UTRN: variants seen among roughly 807,000 people sequenced by gnomAD.
UTRN encodes utrophin.
Under a neutral mutation model 463.9 loss-of-function variants are expected in UTRN, and 283 were observed. That is an observed-to-expected ratio of 0.61 (90% CI 0.55 to 0.67). The LOEUF is 0.67. Ranked by LOEUF, UTRN falls within the 30% of genes least tolerant of loss-of-function variation. The probability of loss-of-function intolerance (pLI) is 0.00; values close to 1 mark genes in which losing one functional copy is unlikely to be tolerated. For missense variants in UTRN, 3,922 were observed against 4,084.3 expected, an observed-to-expected ratio of 0.96 and a Z score of 1.08; for synonymous variants, 1,442 against 1,431.5, an observed-to-expected ratio of 1.01 and a Z score of -0.17.
intron 2 of UTRN, among the ~76,000 whole-genome samples, chr6:144,371,146 T>A (rs989539274): frequency 6.6e-6 from 1 of 152,250 alleles, no homozygotes; most frequent in African/African-American, 2.4e-5. Flanking sequence ...CTCTCCCCAC[T>A]GACTTTTTTT....
At chr6:144,672,343 T>C (rs1781138696) in intron 51 of UTRN, among the ~76,000 whole-genome samples, 1 of 152,030 alleles carries the variant, frequency 6.6e-6, no homozygotes. Context: ...TGCTTGTTAC[T>C]AGTCTATTCC....
chr6:144,848,172 G>A (rs1233889123), intron 74 of UTRN, among the ~76,000 whole-genome samples: 1 of 152,152 alleles, frequency 6.6e-6, no homozygotes, highest in Non-Finnish European at 1.5e-5. Context: ...AGAAGTGCGA[G>A]GAGAGACTGG....
chr6:144,662,689 T>TA (rs1303864697), intron 51 of UTRN, among the ~76,000 whole-genome samples: 1 of 152,206 alleles, frequency 6.6e-6, no homozygotes, highest in Non-Finnish European at 1.5e-5. Flanking sequence ...CAAATCCTGA[T>TA]ACGCTTAGTA....
At chr6:144,655,612 C>T (rs1463019409) in intron 51 of UTRN, among the ~76,000 whole-genome samples, 2 of 152,162 alleles carry the variant, frequency 1.3e-5, no homozygotes, top group Non-Finnish European at 2.9e-5. Flanking sequence ...ACTTTAGAGG[C>T]TCCTAAGAAG....
chr6:144,341,743 C>T (rs772992852), intron 2 of UTRN, among the ~76,000 whole-genome samples: 50 of 152,132 alleles, frequency 3.3e-4, no homozygotes, highest in Non-Finnish European at 1.0e-4. Context: ...ATTGAAATGT[C>T]ATATTTACAT....
rs1455522652 is a variant in UTRN, at chr6:144,324,036, A to G, written c.79+32129A>G. Among the ~76,000 whole-genome samples, 3 of 152,190 alleles carry G rather than the reference A, an allele frequency of 2.0e-5. No homozygotes were observed. The East Asian group carries it at 5.8e-4, about 29-fold the overall frequency. On this transcript the variant is annotated intron_variant, in intron 2 of 74. Coordinates refer to ENST00000367545, the MANE Select transcript of UTRN (RefSeq NM_007124.3). ...CCTTTCAGCCAGGATGAGAATTGCT[A>G]TCTGTTTTCAGAACTTGGAGGCAGA...
intron 54 of UTRN, among the ~76,000 whole-genome samples, chr6:144,732,721 AT>A (rs1229614093): frequency 8.3e-5 from 12 of 144,006 alleles, no homozygotes; most frequent in Non-Finnish European, 1.8e-4. Flanking sequence ...ATGTTATGTT[AT>A]GTTATTTTGA....
At chr6:144,527,176 A>G (rs1796643776) in intron 41 of UTRN, among the ~76,000 whole-genome samples, 1 of 152,202 alleles carries the variant, frequency 6.6e-6, no homozygotes, top group Non-Finnish European at 1.5e-5. Flanking sequence ...CCTTTTAGCA[A>G]TTCTTGTAGT....
At chr6:144,685,859 T>G (rs527250222) in intron 52 of UTRN, among the ~76,000 whole-genome samples, 2 of 152,286 alleles carry the variant, frequency 1.3e-5, no homozygotes, top group South Asian at 4.1e-4. Context: ...CTCTGTTGAT[T>G]ATTTCTTTTG....
intron 53 of UTRN, 115 bp from the exon 54 acceptor site, chr6:144,730,242 C>G: frequency 8.5e-7 from 1 of 1,172,144 alleles, no homozygotes; most frequent in Non-Finnish European, 1.1e-6. Flanking sequence ...AGCTGAAATG[C>G]TTGCTATTAG....
chr6:144,597,780 T>G (rs1484089338), intron 51 of UTRN, among the ~76,000 whole-genome samples: 1 of 152,236 alleles, frequency 6.6e-6, no homozygotes, highest in Non-Finnish European at 1.5e-5. Context: ...ACTATACCTT[T>G]TTGTTTTGCT....
At chr6:144,487,902 A>G (rs959484046) in intron 29 of UTRN, among the ~76,000 whole-genome samples, 1 of 152,218 alleles carries the variant, frequency 6.6e-6, no homozygotes. Context: ...TGGATGATTA[A>G]AAAAATTATT....
intron 54 of UTRN, among the ~76,000 whole-genome samples, chr6:144,732,240 A>G (rs1279035300): frequency 7.4e-4 from 3 of 4,028 alleles, no homozygotes; most frequent in African/African-American, 1.3e-3. Flanking sequence ...ATATATATAC[A>G]TATATATATA....
chr6:144,775,419 C>T (rs950187466), intron 60 of UTRN, among the ~76,000 whole-genome samples: 6 of 152,136 alleles, frequency 3.9e-5, no homozygotes, highest in Admixed American at 1.3e-4. Flanking sequence ...AATGAGATGA[C>T]CTTGACTTTT....
chr6:144,491,088 C>G lies in UTRN; in HGVS notation c.4423C>G (p.Leu1475Val). Residue 1475 changes from leucine (L) to valine (V), a missense_variant, in exon 32 of 75, where the codon CTG (leucine) becomes GTG (valine). Physicochemically the swap from Leu to Val is conservative, Grantham distance 32. Transcript: ENST00000367545. ...DVDPDVIQTH[L>V]DKCMKLYKTL... is the part of the protein sequence containing the mutation. ...AGACCCTGACGTCATACAGACGCACCTGGACAAGTGTATGGTGAGGCTTTT... is the reference window on the plus strand; with the variant it reads ...AGACCCTGACGTCATACAGACGCACGTGGACAAGTGTATGGTGAGGCTTTT... The G allele has an allele frequency of 1.2e-6, 2 of 1,607,524 alleles. No individual in the cohort carries two copies. The highest frequency in any genetic ancestry group is 1.7e-6 in the Non-Finnish European group (2 of 1,177,818).
chr6:144,422,428 GCAA>G (rs1784908547), intron 4 of UTRN, among the ~76,000 whole-genome samples: 1 of 152,164 alleles, frequency 6.6e-6, no homozygotes, highest in Non-Finnish European at 1.5e-5. Context: ...ACCAGCCTGA[GCAA>G]CATGGTGAAA....
At chr6:144,342,979 A>G (rs570330132) in intron 2 of UTRN, among the ~76,000 whole-genome samples, 1 of 132,922 alleles carries the variant, frequency 7.5e-6, no homozygotes, top group East Asian at 1.9e-4. Flanking sequence ...TGAGGCTTAG[A>G]GAGAGAGAGA....
Position 144,521,950 on chromosome 6 carries a change from TA to T in UTRN, c.5542-29del, listed in dbSNP as rs200556030. 893 of 1,230,506 alleles carry T rather than the reference TA, an allele frequency of 7.3e-4. 6 individuals carry two copies. The highest frequency in any genetic ancestry group is 7.1e-3 in the African/African-American group (372 of 52,406). The allele number at this position is 1,230,506 out of a possible 1,614,324, so 76.2% of individuals were successfully genotyped here. A position where few individuals can be genotyped will look rare whatever the true frequency, so the allele number is the denominator to read the frequency against. ...GTATTTTAAGAGATATATATATATA[TA>T]TATATTTTTTTTTTTGCTGTTTTTG... On this transcript the variant is annotated intron_variant, in intron 39 of 74. Transcript: ENST00000367545.
intron 52 of UTRN, among the ~76,000 whole-genome samples, chr6:144,696,004 A>C (rs1414121406): frequency 2.0e-5 from 3 of 152,224 alleles, no homozygotes; most frequent in African/African-American, 7.2e-5. Flanking sequence ...TAATGAAAAC[A>C]GAGTTCAAAG....
Sources: allele counts gnomAD v4.1 joint callset (sites outside exome capture counted in the v4.1 genomes callset), GRCh38; gene constraint gnomAD v4.1.1; transcripts MANE v1.5; gene names NCBI Gene and HGNC (gene_info 2026-07-23, HGNC 2026-07-21).